The following PCNX1 variants were observed in gnomAD, a reference collection of about 807,000 sequenced individuals.
PCNX1 encodes the protein pecanex 1.
In PCNX1, 78 loss-of-function variants were observed where a neutral mutation model predicts 242.2. The observed-to-expected ratio is 0.32, with a 90% CI of 0.27 to 0.39. The LOEUF is 0.39. Among genes scored for constraint, PCNX1 ranks in the 10% least tolerant of loss-of-function variants. The pLI is 1.00. For missense variants in PCNX1, 2,581 were observed against 2,856.5 expected (o/e 0.90, Z 2.20); for synonymous variants, 1,024 against 1,032.9 (o/e 0.99, Z 0.17).
chr14:71,091,706 A>T (rs1465969050), intron 30 of PCNX1, among the ~76,000 whole-genome samples: 3 of 152,244 alleles, frequency 2.0e-5, no homozygotes, highest in African/African-American at 7.2e-5. Flanking sequence ...AAAAACACAG[A>T]CTATACATGG....
chr14:70,994,425 A>ATATATATATATATATATATG (rs1463923456), intron 7 of PCNX1, among the ~76,000 whole-genome samples: 1 of 112,716 alleles, frequency 8.9e-6, no homozygotes, highest in Non-Finnish European at 1.9e-5. Context: ...ATATATATAT[A>ATATATATATATATATATATG]TATATGTATG....
intron 30 of PCNX1, among the ~76,000 whole-genome samples, chr14:71,094,176 A>G (rs1386111798): frequency 1.3e-5 from 2 of 152,246 alleles, no homozygotes; most frequent in Admixed American, 1.3e-4. Flanking sequence ...AACTACTCAA[A>G]TGTCCGTTAG....
At chr14:70,930,744 G>T (rs2056765213) in intron 1 of PCNX1, among the ~76,000 whole-genome samples, 1 of 152,030 alleles carries the variant, frequency 6.6e-6, no homozygotes, top group African/African-American at 2.4e-5. Flanking sequence ...AAATTAGTTT[G>T]GCCCTGTGTA....
chr14:71,034,358 A>T (rs1207518486), intron 18 of PCNX1, among the ~76,000 whole-genome samples: 1 of 152,128 alleles, frequency 6.6e-6, no homozygotes, highest in Non-Finnish European at 1.5e-5. Context: ...GCATTAACAC[A>T]AATTAGATTC....
chr14:71,031,618 G>C (rs894711738), intron 16 of PCNX1: 1 of 601,086 alleles, frequency 1.7e-6, no homozygotes, highest in South Asian at 1.7e-5. Context: ...AGGCAGCCCA[G>C]CTCTGCAGCT....
intron 8 of PCNX1, among the ~76,000 whole-genome samples, chr14:71,006,141 GT>G (rs2059658504): frequency 7.7e-6 from 1 of 129,726 alleles, no homozygotes; most frequent in Non-Finnish European, 1.6e-5. Context: ...GTGTGTGTGT[GT>G]GTGTGTGTGT....
intron 19 of PCNX1, among the ~76,000 whole-genome samples, chr14:71,039,546 T>G (rs1473984797): frequency 6.6e-6 from 1 of 152,160 alleles, no homozygotes; most frequent in Non-Finnish European, 1.5e-5. Flanking sequence ...GTATTGGAAA[T>G]GACATGCCAC....
At chr14:71,089,424 C>A in intron 30 of PCNX1, 82 bp downstream of exon 30, 1 of 1,056,942 alleles carries the variant, frequency 9.5e-7, no homozygotes, top group Non-Finnish European at 1.4e-6. Flanking sequence ...TCCATTCTCA[C>A]GCTGCTGTAA....
intron 7 of PCNX1, among the ~76,000 whole-genome samples, 153 bp downstream of exon 7, chr14:70,988,852 A>G (rs1235611243): frequency 2.0e-5 from 3 of 152,088 alleles, no homozygotes; most frequent in Non-Finnish European, 4.4e-5. Flanking sequence ...CTTTTTCTGC[A>G]TGTGACCATG....
At chr14:71,081,302 T>G (rs994869971) in intron 28 of PCNX1, among the ~76,000 whole-genome samples, 18 of 152,230 alleles carry the variant, frequency 1.2e-4, no homozygotes, top group African/African-American at 4.3e-4. Context: ...CTCATTGATG[T>G]TCATCATGTA....
chr14:70,987,973 T>C (rs1264796408), intron 6 of PCNX1, among the ~76,000 whole-genome samples: 1 of 152,168 alleles, frequency 6.6e-6, no homozygotes, highest in Non-Finnish European at 1.5e-5. Context: ...TGAAGTACCT[T>C]TAGAGTAAAA....
chr14:70,924,281 A>G (rs1480419446), intron 1 of PCNX1, among the ~76,000 whole-genome samples: 1 of 151,764 alleles, frequency 6.6e-6, no homozygotes, highest in Non-Finnish European at 1.5e-5. Context: ...AACCTACCAA[A>G]TTGCCCTCAA....
chr14:70,994,396 G>GATATATGTGTGTGTATATATATATAT (rs1371763584), intron 7 of PCNX1, among the ~76,000 whole-genome samples: 1 of 96,972 alleles, frequency 1.0e-5, no homozygotes. Flanking sequence ...ACAGGCTTAA[G>GATATATGTGTGTGTATATATATATAT]ATATATATAT....
chr14:70,932,180 A>C (rs2056826671), intron 1 of PCNX1, among the ~76,000 whole-genome samples: 1 of 152,268 alleles, frequency 6.6e-6, no homozygotes, highest in Non-Finnish European at 1.5e-5. Flanking sequence ...TTAGTGTTTT[A>C]AATTTGGAAA....
At chr14:71,074,990 C>CTCT in intron 27 of PCNX1, among the ~76,000 whole-genome samples, 1 of 101,114 alleles carries the variant, frequency 9.9e-6, no homozygotes, top group African/African-American at 3.8e-5. Flanking sequence ...CTTTTCTTCT[C>CTCT]TTTTTTTTTT....
At chr14:71,072,288 T>C (rs1324852121) in intron 26 of PCNX1, among the ~76,000 whole-genome samples, 1 of 152,214 alleles carries the variant, frequency 6.6e-6, no homozygotes, top group African/African-American at 2.4e-5. Context: ...TGTATATTTT[T>C]AGGCAGTATC....
At chr14:70,924,231 C>CAAAAAAAAAAAAAA (rs60333920) in intron 1 of PCNX1, among the ~76,000 whole-genome samples, 2 of 98,002 alleles carry the variant, frequency 2.0e-5, no homozygotes, top group Non-Finnish European at 4.1e-5. Context: ...GAGACTGTCT[C>CAAAAAAAAAAAAAA]AAAAAAAAAA....
chr14:70,993,417 C>T (rs568818886), intron 7 of PCNX1, among the ~76,000 whole-genome samples: 12 of 152,074 alleles, frequency 7.9e-5, no homozygotes, highest in South Asian at 2.1e-4. Context: ...TGTGAGCCAC[C>T]GTGCCTGGCC....
At chr14:70,919,716 C>CAA (rs2056299400) in intron 1 of PCNX1, among the ~76,000 whole-genome samples, 1 of 21,146 alleles carries the variant, frequency 4.7e-5, no homozygotes, top group Non-Finnish European at 2.4e-4. Context: ...TGCTCCCCCC[C>CAA]CCCCCCCCCC....
Sources: allele counts gnomAD v4.1 joint callset (sites outside exome capture counted in the v4.1 genomes callset), GRCh38; gene constraint gnomAD v4.1.1; transcripts MANE v1.5; gene names NCBI Gene and HGNC (gene_info 2026-07-23, HGNC 2026-07-21).